Variants in THRAP3 observed in about 807,000 individuals in gnomAD.
THRAP3 encodes thyroid hormone receptor-associated protein 3.
In THRAP3, 16 loss-of-function variants were observed where a neutral mutation model predicts 101.0. That is an observed-to-expected ratio of 0.16 (90% CI 0.11 to 0.24). The LOEUF is 0.24. THRAP3 is among the 10% of genes least tolerant of loss of function. THRAP3 has a pLI of 1.00. For synonymous variants in THRAP3, 407 were observed against 422.6 expected (o/e 0.96, Z 0.45); for missense variants, 989 against 1,202.7 (o/e 0.82, Z 2.63).
At chr1:36,262,114 T>C (rs1645453972) in intron 2 of THRAP3, among the ~76,000 whole-genome samples, 1 of 152,244 alleles carries the variant, frequency 6.6e-6, no homozygotes, top group Non-Finnish European at 1.5e-5. Flanking sequence ...TTGAACGATA[T>C]GTTTTATATA....
intron 7 of THRAP3, among the ~76,000 whole-genome samples, chr1:36,293,065 G>C (rs1645898496): frequency 9.0e-6 from 1 of 111,198 alleles, no homozygotes; most frequent in African/African-American, 3.4e-5. Context: ...GTGTTGCTCT[G>C]CCACCCAGGC....
chr1:36,292,833 A>C, intron 7 of THRAP3, 124 bp downstream of exon 7: 1 of 668,202 alleles, frequency 1.5e-6, no homozygotes, highest in East Asian at 2.8e-5. Flanking sequence ...CATCCTTCAG[A>C]CTCTAAGAGA....
chr1:36,240,813 A>T (rs953607577), intron 1 of THRAP3, among the ~76,000 whole-genome samples: 1 of 152,148 alleles, frequency 6.6e-6, no homozygotes, highest in South Asian at 2.1e-4. Context: ...ATAATTTGTG[A>T]TAATATTTAT....
At chr1:36,303,671 G>T in intron 11 of THRAP3, 125 bp from the exon 12 acceptor site, 1 of 1,439,198 alleles carries the variant, frequency 6.9e-7, no homozygotes, top group Non-Finnish European at 9.3e-7. Flanking sequence ...GTGCAGAAAA[G>T]GATCAAAAGG....
chr1:36,284,994 C>G (rs533628934), intron 3 of THRAP3, among the ~76,000 whole-genome samples: 1 of 152,130 alleles, frequency 6.6e-6, no homozygotes, highest in South Asian at 2.1e-4. Flanking sequence ...GCCAGTTGCT[C>G]TTATTCATGG....
chr1:36,219,032 CAAA>C, the THRAP3 span, among the ~76,000 whole-genome samples: 12,255 of 63,782 alleles, frequency 0.19, 392 homozygotes, highest in Middle Eastern at 0.34. Context: ...GGCTCCATCT[CAAA>C]AAAAAAAAAA....
intron 2 of THRAP3, among the ~76,000 whole-genome samples, chr1:36,263,992 A>G (rs780586967): frequency 1.3e-5 from 2 of 152,276 alleles, no homozygotes; most frequent in African/African-American, 2.4e-5. Flanking sequence ...GCCAGGAAAG[A>G]TATAAAATGC....
chr1:36,295,806 T>A (rs1479142066), intron 8 of THRAP3, among the ~76,000 whole-genome samples: 1 of 152,078 alleles, frequency 6.6e-6, no homozygotes, highest in Non-Finnish European at 1.5e-5. Flanking sequence ...TTGGACTCAG[T>A]ACTCAGAGAT....
At position 36,304,765 on chromosome 1, in the gene THRAP3, A is replaced by G. The variant is rs1178538261; in HGVS notation, c.*748A>G. ...TCTGGGCTGGACTTCCCCGTTCTCC[A>G]CCAGCAGCTCCAGTATCCCAAACTT... On this transcript the variant is annotated 3_prime_UTR_variant, in exon 12 of 12. Coordinates refer to ENST00000354618, the MANE Select transcript of THRAP3 (RefSeq NM_005119.4). The G allele has an allele frequency of 4.7e-6, 1 of 213,588 alleles. No homozygotes were observed. The highest frequency in any genetic ancestry group is 2.3e-5 in the African/African-American group (1 of 44,110). The allele number at this position is 213,588 out of a possible 1,614,324, so 13.2% of individuals were successfully genotyped here.
rs878878357 is a variant in THRAP3 at position 36,288,147 on chromosome 1, T to TTTTA, written c.1041-893_1041-890dup. The stretch of plus-strand genomic sequence containing the variant: ...ACTTGCCTTCAGTAAGTCTGTTTTA[T>TTTTA]TTTATTTATTTATTTATTTATTTCA... On this transcript the variant is annotated intron_variant, in intron 4 of 11. Coordinates refer to ENST00000354618, the MANE Select transcript of THRAP3 (RefSeq NM_005119.4). 302 of 975,608 alleles carry TTTTA rather than the reference T, an allele frequency of 3.1e-4. 1 individual carries two copies. The highest frequency in any genetic ancestry group is 1.1e-3 in the Middle Eastern group (2 of 1,880). The allele number at this position is 975,608 out of a possible 1,614,324, so 60.4% of individuals were successfully genotyped here. A position where few individuals can be genotyped will look rare whatever the true frequency, so the allele number is the denominator to read the frequency against.
chr1:36,270,650 T>G (rs1019671073), intron 2 of THRAP3, among the ~76,000 whole-genome samples: 2 of 148,426 alleles, frequency 1.3e-5, no homozygotes, highest in African/African-American at 5.0e-5. Flanking sequence ...CAATCTTGGC[T>G]CACTGCAACC....
At chr1:36,255,188 A>T (rs1645357140) in intron 1 of THRAP3, among the ~76,000 whole-genome samples, 1 of 152,064 alleles carries the variant, frequency 6.6e-6, no homozygotes, top group Non-Finnish European at 1.5e-5. Context: ...TTTAATTGCT[A>T]TCATCATGCT....
chr1:36,274,855 T>C (rs1428599124), intron 2 of THRAP3, among the ~76,000 whole-genome samples: 1 of 150,900 alleles, frequency 6.6e-6, no homozygotes, highest in African/African-American at 2.4e-5. Context: ...CTGATCTCAA[T>C]TTCTTGACCA....
At chr1:36,250,783 C>T (rs56355008) in intron 1 of THRAP3, among the ~76,000 whole-genome samples, 25 of 151,562 alleles carry the variant, frequency 1.6e-4, no homozygotes, top group Non-Finnish European at 7.4e-5. Flanking sequence ...CGTGGTGGTG[C>T]GCGCCTGTAA....
At chr1:36,232,991 C>T (rs1375879434) in intron 1 of THRAP3, among the ~76,000 whole-genome samples, 1 of 150,150 alleles carries the variant, frequency 6.7e-6, no homozygotes, top group African/African-American at 2.4e-5. Context: ...GCCTGAGCCT[C>T]CTGAGAAGCT....
intron 2 of THRAP3, among the ~76,000 whole-genome samples, chr1:36,276,217 TA>T (rs781047221): frequency 0.031 from 3,979 of 126,500 alleles, 98 homozygotes; most frequent in East Asian, 0.15. Context: ...TTCAGCAGAG[TA>T]AAAAAAAAAA....
At chr1:36,239,048 C>T (rs946488043) in intron 1 of THRAP3, among the ~76,000 whole-genome samples, 2 of 151,890 alleles carry the variant, frequency 1.3e-5, no homozygotes, top group Non-Finnish European at 2.9e-5. Context: ...ATTCTCCTGC[C>T]TCAGCCTCCC....
the THRAP3 span, among the ~76,000 whole-genome samples, chr1:36,209,455 T>C: frequency 6.6e-6 from 1 of 152,182 alleles, no homozygotes; most frequent in African/African-American, 2.4e-5. Context: ...ACCCAGTAGA[T>C]GTCAGCAGTA....
chr1:36,298,786 A>G (rs1345097942), intron 9 of THRAP3, among the ~76,000 whole-genome samples: 6 of 152,050 alleles, frequency 3.9e-5, no homozygotes, highest in African/African-American at 7.2e-5. Context: ...GATTACAGGC[A>G]TGAGCTACCA....
Sources: gnomAD v4.1 joint callset for allele counts (sites outside exome capture counted in the v4.1 genomes callset) on GRCh38, gnomAD v4.1.1 for gene constraint, MANE v1.5 for transcripts, NCBI Gene and HGNC (gene_info 2026-07-23, HGNC 2026-07-21) for gene names.